Variants in PCNT observed in about 807,000 individuals in gnomAD.
The protein encoded by PCNT is kendrin.
PCNT carries 319 observed loss-of-function variants against 380.4 expected under a neutral mutation model. The observed-to-expected ratio is 0.84, with a 90% CI of 0.77 to 0.92. PCNT has a LOEUF of 0.92. Ranked by LOEUF, PCNT falls within the 40% of genes least tolerant of loss-of-function variation. The pLI is 0.00. For synonymous variants in PCNT, 1,845 were observed against 1,735.2 expected (o/e 1.06, Z -1.57); for missense variants, 4,400 against 4,255.3 (o/e 1.03, Z -0.95).
intron 35 of PCNT, among the ~76,000 whole-genome samples, chr21:46,429,044 T>C (rs1305664558): frequency 6.6e-6 from 1 of 152,200 alleles, no homozygotes; most frequent in East Asian, 1.9e-4. Flanking sequence ...CTCTTAGTTT[T>C]GGGGGCAGGA....
chr21:46,411,565 C>G lies in PCNT; in HGVS notation c.5492C>G (p.Ala1831Gly), dbSNP rs761263896. 6.2e-7 allele frequency: 1 copy of G among 1,612,480 alleles called. No homozygotes were observed. Among genetic ancestry groups the G allele is most frequent in the South Asian group, 1.1e-5 (1 of 91,066 alleles). Residue 1831 changes from alanine to glycine, a missense_variant, in exon 28 of 47, where the codon GCG becomes GGG. By Grantham distance (60) the Ala-to-Gly change is moderately conservative. Transcript: ENST00000359568. The part of the protein sequence containing the change: ...QQRLQGAEEA[A>G]ELQLAELERN... The stretch of plus-strand genomic sequence containing the variant: ...CGCCTCCAGGGCGCAGAGGAGGCTG[C>G]GGAGCTACAGCTGGCTGAGCTGGAG...
intron 33 of PCNT, among the ~76,000 whole-genome samples, chr21:46,427,348 A>G (rs1842997243): frequency 2.0e-5 from 3 of 152,198 alleles, no homozygotes; most frequent in South Asian, 4.1e-4. Context: ...AACAGCAGAC[A>G]TTGATTTCAC....
intron 1 of PCNT, chr21:46,324,926 C>G (rs1443999673): frequency 4.1e-6 from 4 of 985,406 alleles, no homozygotes; most frequent in Non-Finnish European, 4.8e-6. Flanking sequence ...CCCCGCGGCG[C>G]TCCCGGCCGC....
chr21:46,391,303 G>T lies in PCNT; in HGVS notation c.4143G>T (p.Ala1381=). The part of the protein sequence containing the change: ...QLQQAAQEQA[A]LREECTRLWS... ...AGCAGGCGGCCCAGGAGCAGGCGGC[G>T]CTGAGGGAGGAGTGCACCCGTCTGT... Residue 1381 remains alanine (A), a synonymous_variant, in exon 21 of 47, where the codon GCG becomes GCT. Transcript: ENST00000359568. 1 of 1,571,138 alleles carries T rather than the reference G, an allele frequency of 6.4e-7. No homozygotes were observed. The highest frequency in any genetic ancestry group is 2.3e-5 in the East Asian group (1 of 42,894).
At position 46,357,015 on chromosome 21, in the gene PCNT, T is replaced by A; in HGVS notation, c.1978T>A (p.Leu660Met). The change falls in exon 13 of 47, where the codon TTG becomes ATG. Residue 660 changes from leucine to methionine, a missense_variant. Coordinates refer to ENST00000359568, the MANE Select transcript of PCNT (RefSeq NM_006031.6). The part of the protein sequence containing the change: ...VHLQGVQDGD[L>M]EADTERAARV... ...TCTCCAGGGTGTGCAGGACGGGGACTTGGAGGCCGACACAGAGCGGGCAGC... is the reference window on the plus strand; with the variant it reads ...TCTCCAGGGTGTGCAGGACGGGGACATGGAGGCCGACACAGAGCGGGCAGC... 6.2e-7 allele frequency: 1 copy of A among 1,614,178 alleles called. No individual in the cohort carries two copies. Among genetic ancestry groups the A allele is most frequent in the Non-Finnish European group, 8.5e-7 (1 of 1,180,032 alleles).
At chr21:46,347,635 A>G in intron 6 of PCNT, 123 bp downstream of exon 6, 2 of 874,066 alleles carry the variant, frequency 2.3e-6, no homozygotes, top group African/African-American at 1.7e-5. Flanking sequence ...TTATTAGAAT[A>G]TGCTGGTTGA....
rs759501709 is a variant in PCNT at position 46,431,767 on chromosome 21, CCGAGCAGCTGAG to C, written c.8305_8316del (p.Glu2769_Ser2772del). On this transcript the variant is annotated inframe_deletion, in exon 38 of 47. Coordinates refer to ENST00000359568, the MANE Select transcript of PCNT (RefSeq NM_006031.6). ...GCCTTGCGGCACGAGCGGCTCCTGA[CCGAGCAGCTGAG>C]CCAGAGGACACAGGAGGCTTGCGTG... The C allele has an allele frequency of 6.2e-7, 1 of 1,612,924 alleles. No homozygotes were observed. Among genetic ancestry groups the C allele is most frequent in the Non-Finnish European group, 8.5e-7 (1 of 1,180,012 alleles).
chr21:46,383,772 A>G (rs1160385801), intron 16 of PCNT, among the ~76,000 whole-genome samples: 25 of 134,416 alleles, frequency 1.9e-4, no homozygotes, highest in Non-Finnish European at 8.4e-5. Context: ...GCGGAAGCGC[A>G]TTCACGGTGT....
chr21:46,387,849 C>A (rs553894736), intron 17 of PCNT, among the ~76,000 whole-genome samples: 3 of 152,082 alleles, frequency 2.0e-5, no homozygotes, highest in African/African-American at 7.2e-5. Flanking sequence ...CGTCACAGCT[C>A]CTAAATCATA....
At chr21:46,407,347 T>TTTTTTTG (rs1376818368) in intron 27 of PCNT, among the ~76,000 whole-genome samples, 2 of 139,806 alleles carry the variant, frequency 1.4e-5, no homozygotes, top group African/African-American at 5.5e-5. Flanking sequence ...TCTCTTTTTT[T>TTTTTTTG]TTTTTTTTTT....
In PCNT at chr21:46,425,794, GC is replaced by G. The variant is rs2087469487; in HGVS notation, c.7180-36del. ...GTGTAGAGCGTGGCTGTGTGGGGTG[GC>G]AGGCAACTCCCTTCTGACGCGCTTT... On this transcript the variant is annotated intron_variant, in intron 32 of 46. Coordinates refer to ENST00000359568, the MANE Select transcript of PCNT (RefSeq NM_006031.6). This position sits in a 1 kb window ranked among gnomAD's most constrained non-coding sequence, Gnocchi z 4.2. 1.2e-6 allele frequency: 2 copies of G among 1,610,200 alleles called. No homozygotes were observed. The highest frequency in any genetic ancestry group is 1.7e-5 in the Admixed American group (1 of 59,868).
chr21:46,423,024 G>T (rs1278184557), intron 32 of PCNT, among the ~76,000 whole-genome samples: 1 of 152,160 alleles, frequency 6.6e-6, no homozygotes, highest in African/African-American at 2.4e-5. Flanking sequence ...GAGACAGGAG[G>T]ATCGTTGGAG....
chr21:46,418,226 T>C lies in PCNT; in HGVS notation c.6944T>C (p.Ile2315Thr). 6.2e-7 allele frequency: 1 copy of C among 1,604,028 alleles called. No homozygotes were observed. The highest frequency in any genetic ancestry group is 2.2e-5 in the East Asian group (1 of 44,842). The change falls in exon 31 of 47, where the codon ATC becomes ACC. Residue 2315 changes from isoleucine to threonine, a missense_variant. Ile to Thr is a moderately conservative substitution (Grantham distance 89). Coordinates refer to ENST00000359568, the MANE Select transcript of PCNT (RefSeq NM_006031.6). Reference sequence around the variant, plus strand: ...CAGGAGAAAGATGTCGAAGATTTTATCACAACATCCTTTGATTCTCAAGAA... The same window carrying C: ...CAGGAGAAAGATGTCGAAGATTTTACCACAACATCCTTTGATTCTCAAGAA... The part of the protein sequence containing the change: ...TAVEKDVEDF[I>T]TTSFDSQETL...
chr21:46,334,332 A>G, intron 2 of PCNT, 65 bp from the exon 3 acceptor site: 1 of 1,611,336 alleles, frequency 6.2e-7, no homozygotes, highest in Admixed American at 1.7e-5. Flanking sequence ...AGGAGCTGGG[A>G]AGGGCCTGAG....
intron 27 of PCNT, among the ~76,000 whole-genome samples, chr21:46,409,670 G>T (rs2086723407): frequency 6.6e-6 from 1 of 152,152 alleles, no homozygotes; most frequent in Non-Finnish European, 1.5e-5. Flanking sequence ...CGCAGTCTCG[G>T]CTTACCGCAA....
At chr21:46,436,533 G>A (rs191175438) in intron 39 of PCNT, among the ~76,000 whole-genome samples, 1 of 135,244 alleles carries the variant, frequency 7.4e-6, no homozygotes, top group Non-Finnish European at 1.6e-5. Context: ...CACCCAGGAT[G>A]ACGATCGTGA....
At chr21:46,358,688 G>A (rs969610569) in intron 13 of PCNT, among the ~76,000 whole-genome samples, 20 of 150,674 alleles carry the variant, frequency 1.3e-4, no homozygotes, top group African/African-American at 4.9e-4. Context: ...GTAGTGGCGC[G>A]ATCTCAGCTC....
intron 13 of PCNT, among the ~76,000 whole-genome samples, chr21:46,358,066 C>T (rs915747570): frequency 1.3e-5 from 2 of 151,892 alleles, no homozygotes; most frequent in Non-Finnish European, 2.9e-5. Context: ...TCAAGTGAGC[C>T]GACAGGGCAG....
intron 15 of PCNT, among the ~76,000 whole-genome samples, chr21:46,368,914 G>A (rs547909878): frequency 3.3e-5 from 5 of 152,378 alleles, no homozygotes; most frequent in African/African-American, 1.2e-4. Context: ...AGCATGCCAC[G>A]GGAGGGCTTC....
Sources: allele counts gnomAD v4.1 joint callset (sites outside exome capture counted in the v4.1 genomes callset), GRCh38; gene constraint gnomAD v4.1.1; non-coding constraint Gnocchi (gnomAD v3.1); transcripts MANE v1.5; gene names NCBI Gene and HGNC (gene_info 2026-07-23, HGNC 2026-07-21).